SOX6: variants seen among roughly 807,000 people sequenced by gnomAD.
SOX6 encodes SRY-box transcription factor 6.
A neutral mutation model predicts 97.8 loss-of-function variants in SOX6; 11 were observed. The observed-to-expected ratio is 0.11, with a 90% CI of 0.07 to 0.19. SOX6 has a LOEUF of 0.19. Among genes scored for constraint, SOX6 ranks in the 10% least tolerant of loss-of-function variants. SOX6 has a pLI of 1.00. For missense variants in SOX6, 810 were observed against 1,039.5 expected (o/e 0.78, Z 3.04); for synonymous variants, 360 against 371.4 (o/e 0.97, Z 0.35).
intron 6 of SOX6, among the ~76,000 whole-genome samples, chr11:16,132,590 A>G (rs999353649): frequency 6.6e-6 from 1 of 151,922 alleles, no homozygotes; most frequent in Non-Finnish European, 1.5e-5. Context: ...ACTTATTAAC[A>G]TCATCTTTAG....
At chr11:16,642,633 A>G (rs1848936698) in intron 3 of SOX6, among the ~76,000 whole-genome samples, 1 of 151,990 alleles carries the variant, frequency 6.6e-6, no homozygotes, top group Non-Finnish European at 1.5e-5. Context: ...TTTTTTCTCT[A>G]AATTTCTCTT....
upstream of SOX6, among the ~76,000 whole-genome samples, chr11:16,478,278 A>G (rs1175415892): frequency 6.6e-6 from 1 of 152,234 alleles, no homozygotes; most frequent in Non-Finnish European, 1.5e-5. Flanking sequence ...GGAATTATGC[A>G]AGATACATGA....
chr11:16,267,383 G>A (rs1854112146), intron 3 of SOX6, among the ~76,000 whole-genome samples: 1 of 151,410 alleles, frequency 6.6e-6, no homozygotes, highest in Non-Finnish European at 1.5e-5. Context: ...ATAGACAAAA[G>A]GCCTGAATAC....
chr11:15,978,752 A>C (rs1253643479), intron 15 of SOX6, among the ~76,000 whole-genome samples: 1 of 142,430 alleles, frequency 7.0e-6, no homozygotes, highest in Non-Finnish European at 1.5e-5. Context: ...TTATATATAT[A>C]TATGAGTCTA....
At chr11:16,541,361 T>TA (rs138122739) in intron 4 of SOX6, among the ~76,000 whole-genome samples, 22,676 of 152,064 alleles carry the variant, frequency 0.15, 1,770 homozygotes, top group Non-Finnish European at 0.16. Context: ...CATAAAACCA[T>TA]AAAAACCCTA....
chr11:16,052,136 AT>A (rs1847701843), intron 10 of SOX6, among the ~76,000 whole-genome samples: 1 of 151,976 alleles, frequency 6.6e-6, no homozygotes, highest in South Asian at 2.1e-4. Flanking sequence ...AAATACTCTA[AT>A]TTTTTACTTA....
At chr11:16,505,092 T>C (rs969141344) in intron 4 of SOX6, among the ~76,000 whole-genome samples, 3 of 152,190 alleles carry the variant, frequency 2.0e-5, no homozygotes, top group Non-Finnish European at 4.4e-5. Flanking sequence ...AACTGGGGAA[T>C]GGGCAAAGGT....
intron 1 of SOX6, among the ~76,000 whole-genome samples, chr11:16,426,083 C>T (rs1372157100): frequency 6.6e-6 from 1 of 151,020 alleles, no homozygotes; most frequent in Non-Finnish European, 1.5e-5. Context: ...GGTGAAACCC[C>T]GTCTCTACTA....
At chr11:16,529,517 T>A (rs375378488) in intron 4 of SOX6, among the ~76,000 whole-genome samples, 1 of 152,118 alleles carries the variant, frequency 6.6e-6, no homozygotes, top group Non-Finnish European at 1.5e-5. Context: ...TTCTTGTCCA[T>A]ACAATTTGGC....
chr11:16,110,421 C>G (rs1189025400), intron 7 of SOX6: 1 of 151,820 alleles, frequency 6.6e-6, no homozygotes. Flanking sequence ...AAAAAATTCT[C>G]TGAAAAAATA....
intron 4 of SOX6, among the ~76,000 whole-genome samples, chr11:16,224,021 T>C (rs951573334): frequency 3.9e-5 from 6 of 152,018 alleles, no homozygotes; most frequent in African/African-American, 1.4e-4. Flanking sequence ...TTTAAACCAA[T>C]TTTGCCTCCT....
At chr11:16,722,989 G>A (rs1265544601) in intron 2 of SOX6, among the ~76,000 whole-genome samples, 1 of 152,002 alleles carries the variant, frequency 6.6e-6, no homozygotes, top group East Asian at 1.9e-4. Flanking sequence ...TATACCCAAA[G>A]GAATATAAAT....
chr11:16,107,411 A>G, intron 7 of SOX6, among the ~76,000 whole-genome samples: 1 of 142,948 alleles, frequency 7.0e-6, no homozygotes, highest in African/African-American at 2.7e-5. Context: ...ATATGTATAT[A>G]TATATACATA....
intron 9 of SOX6, among the ~76,000 whole-genome samples, chr11:16,076,735 ATTTTTTTTTTTT>A (rs1156737950): frequency 1.9e-4 from 18 of 94,152 alleles, no homozygotes; most frequent in South Asian, 1.2e-3. Context: ...GGTACTACAC[ATTTTTTTTTTTT>A]TTTTTTTTTT....
chr11:16,136,003 G>C (rs1849950916), intron 6 of SOX6, among the ~76,000 whole-genome samples: 1 of 152,096 alleles, frequency 6.6e-6, no homozygotes, highest in Non-Finnish European at 1.5e-5. Context: ...ATTATGACTT[G>C]CTGAAGGCTC....
At chr11:16,002,547 A>G (rs1854435025) in intron 13 of SOX6, among the ~76,000 whole-genome samples, 1 of 152,102 alleles carries the variant, frequency 6.6e-6, no homozygotes, top group African/African-American at 2.4e-5. Flanking sequence ...CAAACATCCC[A>G]CTTATTATCT....
chr11:16,417,722 A>C (rs1289661164), intron 1 of SOX6, among the ~76,000 whole-genome samples: 1 of 152,230 alleles, frequency 6.6e-6, no homozygotes, highest in Non-Finnish European at 1.5e-5. Flanking sequence ...TTTATAAAAC[A>C]AATATACATA....
At chr11:16,097,772 C>A in intron 7 of SOX6, 84 bp from the exon 8 acceptor site, 1 of 1,260,764 alleles carries the variant, frequency 7.9e-7, no homozygotes, top group Non-Finnish European at 1.2e-6. Context: ...CTTGGATTGC[C>A]TGAGCTTTAC....
intron 4 of SOX6, among the ~76,000 whole-genome samples, chr11:16,230,671 A>T (rs1317234238): frequency 6.6e-6 from 1 of 151,756 alleles, no homozygotes; most frequent in East Asian, 1.9e-4. Context: ...ATAATCTTTT[A>T]AAAAATCACT....
Sources: allele counts gnomAD v4.1 joint callset (sites outside exome capture counted in the v4.1 genomes callset), GRCh38; gene constraint gnomAD v4.1.1; transcripts MANE v1.5; gene names NCBI Gene and HGNC (gene_info 2026-07-23, HGNC 2026-07-21).